The following HTR2C variants were observed in gnomAD, a reference collection of about 807,000 sequenced individuals.
The protein encoded by HTR2C is 5-hydroxytryptamine receptor 2C, also known as 5-hydroxytryptamine (serotonin) receptor 2C, G protein-coupled.
A neutral mutation model predicts 21.0 loss-of-function variants in HTR2C; 5 were observed. The ratio of observed to expected loss-of-function variants is 0.24; its 90% confidence interval spans 0.12 to 0.50. The LOEUF (loss-of-function observed/expected upper bound fraction) is 0.50. Among genes scored for constraint, HTR2C ranks in the 20% least tolerant of loss-of-function variants. The pLI, the probability that HTR2C is intolerant of heterozygous loss-of-function variation, is 0.98. For synonymous variants in HTR2C, 150 were observed against 145.3 expected (o/e 1.03, Z -0.23); for missense variants, 271 against 371.2 (o/e 0.73, Z 2.22).
chrX:114,812,208 A>G (rs2070538879), intron 4 of HTR2C, among the ~76,000 whole-genome samples: 1 of 108,332 alleles, frequency 9.2e-6, no homozygotes, highest in South Asian at 4.0e-4. Flanking sequence ...CTGCTCCCTT[A>G]CTATTCTATG....
chrX:114,704,914 C>T (rs1932720095), intron 2 of HTR2C, among the ~76,000 whole-genome samples: 1 of 107,112 alleles, frequency 9.3e-6, no homozygotes, highest in East Asian at 2.9e-4. Flanking sequence ...ACACCAATAA[C>T]AGACAAACGG....
At chrX:114,891,942 T>A (rs782790793) in intron 5 of HTR2C, among the ~76,000 whole-genome samples, 6 of 111,569 alleles carry the variant, frequency 5.4e-5, no homozygotes, top group Non-Finnish European at 9.4e-5. Flanking sequence ...TTTTCTCTTA[T>A]TTATCCTATT....
chrX:114,643,759 G>T (rs928089753), intron 2 of HTR2C, among the ~76,000 whole-genome samples: 1 of 111,684 alleles, frequency 9.0e-6, no homozygotes, highest in Admixed American at 9.5e-5. Flanking sequence ...GAAAGTAGTA[G>T]AAACAAAAAG....
chrX:114,751,350 A>G (rs1429421771), intron 4 of HTR2C, among the ~76,000 whole-genome samples: 4 of 112,059 alleles, frequency 3.6e-5, no homozygotes, highest in Admixed American at 2.8e-4. Flanking sequence ...CCAGGGTCAC[A>G]TGATTAGACT....
chrX:114,724,499 C>A (rs1556421399), intron 2 of HTR2C, among the ~76,000 whole-genome samples: 1 of 87,014 alleles, frequency 1.1e-5, no homozygotes, highest in African/African-American at 3.9e-5. Context: ...TTAATTGGAG[C>A]ATTTAGTCCA....
intron 5 of HTR2C, among the ~76,000 whole-genome samples, chrX:114,873,241 G>A (rs782188008): frequency 9.0e-6 from 1 of 111,209 alleles, no homozygotes. Flanking sequence ...GGTTTAAACC[G>A]AATCTTTTGC....
intron 4 of HTR2C, among the ~76,000 whole-genome samples, chrX:114,739,286 T>TCC (rs2069621562): frequency 8.9e-6 from 1 of 111,776 alleles, no homozygotes; most frequent in Non-Finnish European, 1.9e-5. Flanking sequence ...GCTGTAGATA[T>TCC]TAGTCAATGC....
intron 4 of HTR2C, among the ~76,000 whole-genome samples, chrX:114,805,524 C>CAT (rs199759521): frequency 0.018 from 1,155 of 63,447 alleles, 69 homozygotes; most frequent in African/African-American, 0.055. Flanking sequence ...ATATATGCAC[C>CAT]ATATATATAT....
chrX:114,796,615 C>G (rs2070295938), intron 4 of HTR2C, among the ~76,000 whole-genome samples: 1 of 111,751 alleles, frequency 8.9e-6, no homozygotes, highest in Non-Finnish European at 1.9e-5. Context: ...ATAGCAGGCA[C>G]CACATGCTCC....
At chrX:114,654,958 T>G (rs1315015176) in intron 2 of HTR2C, among the ~76,000 whole-genome samples, 1 of 109,279 alleles carries the variant, frequency 9.2e-6, no homozygotes, top group Non-Finnish European at 1.9e-5. Flanking sequence ...AAATTTATCA[T>G]TTGGTTATAC....
intron 2 of HTR2C, among the ~76,000 whole-genome samples, chrX:114,695,098 C>T (rs1556415698): frequency 2.7e-5 from 3 of 111,587 alleles, no homozygotes; most frequent in Admixed American, 9.5e-5. Context: ...AAATTTGTCA[C>T]GCAAACCGAT....
At chrX:114,754,922 A>T (rs781944078) in intron 4 of HTR2C, among the ~76,000 whole-genome samples, 4 of 112,206 alleles carry the variant, frequency 3.6e-5, no homozygotes, top group Admixed American at 9.5e-5. Context: ...GCTGTAAAAA[A>T]ATTCCACAAA....
chrX:114,852,331 A>C (rs1300726659), intron 5 of HTR2C, among the ~76,000 whole-genome samples: 2 of 110,357 alleles, frequency 1.8e-5, no homozygotes, highest in African/African-American at 6.6e-5. Flanking sequence ...AGGCAAATAA[A>C]ATACTCAGAG....
intron 4 of HTR2C, among the ~76,000 whole-genome samples, chrX:114,834,050 A>T (rs2070756150): frequency 9.0e-6 from 1 of 110,858 alleles, no homozygotes; most frequent in African/African-American, 3.3e-5. Flanking sequence ...GTTTGATTGC[A>T]GTGTGGTCTG....
At chrX:114,698,916 C>T (rs377484712) in intron 2 of HTR2C, among the ~76,000 whole-genome samples, 11 of 111,526 alleles carry the variant, frequency 9.9e-5, no homozygotes, top group African/African-American at 2.9e-4. Flanking sequence ...CTGTGTAAAA[C>T]CCACCACAAT....
At position 114,636,171 on chromosome X, in the gene HTR2C, C is replaced by T. The variant is rs1276356043; in HGVS notation, c.-80+22290C>T. Among the ~76,000 whole-genome samples, 6 of 108,376 alleles carry T rather than the reference C, an allele frequency of 5.5e-5. No homozygotes were observed. In the East Asian group the frequency reaches 1.8e-3, roughly 32 times the overall value. The allele number at this position is 108,376 out of a possible 115,157, so 94.1% of individuals were successfully genotyped here. ...TTGCTCTTATTCCCAGTGCTAATCA[C>T]CTAACAGGAAAGGTCATGCTCCCTG... On this transcript the variant is annotated intron_variant, in intron 2 of 5. Transcript: ENST00000276198.
At chrX:114,905,945 AT>A (rs1341187041) in intron 5 of HTR2C, among the ~76,000 whole-genome samples, 2 of 111,243 alleles carry the variant, frequency 1.8e-5, no homozygotes, top group Non-Finnish European at 3.8e-5. Context: ...CCAACTCTAC[AT>A]TTTACCCTCT....
chrX:114,607,211 C>T (rs958839367), intron 1 of HTR2C, among the ~76,000 whole-genome samples: 2 of 112,097 alleles, frequency 1.8e-5, no homozygotes, highest in African/African-American at 3.3e-5. Flanking sequence ...ACAGGGGATG[C>T]AATGGCTTGG....
chrX:114,901,269 A>G (rs1190775406), intron 5 of HTR2C, among the ~76,000 whole-genome samples: 2 of 112,470 alleles, frequency 1.8e-5, no homozygotes, highest in Middle Eastern at 4.3e-3. Flanking sequence ...ATGTAAACAT[A>G]TTTATACATC....
Sources: gnomAD v4.1 joint callset for allele counts (sites outside exome capture counted in the v4.1 genomes callset) on GRCh38, gnomAD v4.1.1 for gene constraint, MANE v1.5 for transcripts, NCBI Gene and HGNC (gene_info 2026-07-23, HGNC 2026-07-21) for gene names.